Variants in GPC5 observed in about 807,000 individuals in gnomAD.
The protein encoded by GPC5 is glypican-5.
A neutral mutation model predicts 53.9 loss-of-function variants in GPC5; 47 were observed. That is an observed-to-expected ratio of 0.87 (90% CI 0.69 to 1.11). The LOEUF (loss-of-function observed/expected upper bound fraction) is 1.11. Among genes scored for constraint, GPC5 ranks in the 50% most tolerant of loss-of-function variants. The probability of loss-of-function intolerance (pLI) is 0.00; values close to 1 mark genes in which losing one functional copy is unlikely to be tolerated. For missense variants in GPC5, 748 were observed against 713.1 expected (o/e 1.05, Z -0.56); for synonymous variants, 286 against 263.3 (o/e 1.09, Z -0.84).
intron 7 of GPC5, among the ~76,000 whole-genome samples, chr13:92,184,497 G>A (rs79380646): frequency 0.023 from 3,518 of 152,130 alleles, 143 homozygotes; most frequent in African/African-American, 0.079. Flanking sequence ...CAAGCTTTTA[G>A]CTTCTGTCTT....
intron 7 of GPC5, among the ~76,000 whole-genome samples, chr13:92,280,792 C>T (rs1042455201): frequency 2.6e-5 from 4 of 152,070 alleles, no homozygotes; most frequent in African/African-American, 9.7e-5. Flanking sequence ...CTAATAGGAA[C>T]AGCTCCAGTC....
In GPC5 at chr13:92,610,968, A is replaced by ATTT. The variant is rs35225757; in HGVS notation, c.1562-255300_1562-255298dup. Reference sequence around the variant, plus strand: ...GCTAACCATATCAATCTCAATACATATTTTTTTTTTTTTTTTGCTTAATCT... The same window carrying ATTT: ...GCTAACCATATCAATCTCAATACATATTTTTTTTTTTTTTTTTTTGCTTAATCT... On this transcript the variant is annotated intron_variant, in intron 7 of 7. Coordinates refer to ENST00000377067, the MANE Select transcript of GPC5 (RefSeq NM_004466.6). Among the ~76,000 whole-genome samples, 442 of 140,108 alleles carry ATTT rather than the reference A, an allele frequency of 3.2e-3. 3 individuals carry two copies. The highest frequency in any genetic ancestry group is 8.7e-3 in the African/African-American group (328 of 37,868). The allele number at this position is 140,108 out of a possible 152,430, so 91.9% of individuals were successfully genotyped here. A position where few individuals can be genotyped will look rare whatever the true frequency, so the allele number is the denominator to read the frequency against.
intron 5 of GPC5, among the ~76,000 whole-genome samples, chr13:91,788,465 A>G (rs144560191): frequency 6.6e-6 from 1 of 152,294 alleles, no homozygotes; most frequent in East Asian, 1.9e-4. Flanking sequence ...ATTAGGAAAA[A>G]AATAAGAAAC....
intron 2 of GPC5, among the ~76,000 whole-genome samples, chr13:91,496,588 T>G (rs1350353090): frequency 6.6e-6 from 1 of 152,128 alleles, no homozygotes; most frequent in East Asian, 1.9e-4. Context: ...ACAATTGAAC[T>G]TATGGACATA....
At chr13:92,280,451 A>G (rs985032453) in intron 7 of GPC5, among the ~76,000 whole-genome samples, 3 of 152,120 alleles carry the variant, frequency 2.0e-5, no homozygotes, top group African/African-American at 7.2e-5. Context: ...TTATGTTGTC[A>G]ATATCGGATC....
intron 2 of GPC5, among the ~76,000 whole-genome samples, chr13:91,635,786 A>C (rs2034270592): frequency 6.6e-6 from 1 of 152,108 alleles, no homozygotes; most frequent in Non-Finnish European, 1.5e-5. Flanking sequence ...CTTGCAGATA[A>C]ACTTTAGAAT....
chr13:92,502,403 C>G (rs1306347975), intron 7 of GPC5, among the ~76,000 whole-genome samples: 1 of 151,694 alleles, frequency 6.6e-6, no homozygotes, highest in Non-Finnish European at 1.5e-5. Flanking sequence ...ACTGACTAAA[C>G]ACACATTTTA....
intron 7 of GPC5, among the ~76,000 whole-genome samples, chr13:92,202,341 T>C (rs2042301287): frequency 6.6e-6 from 1 of 152,136 alleles, no homozygotes; most frequent in East Asian, 1.9e-4. Context: ...TTCAAAGTGT[T>C]TGTTATTTTG....
chr13:91,583,087 T>A (rs2032429687), intron 2 of GPC5, among the ~76,000 whole-genome samples: 1 of 152,126 alleles, frequency 6.6e-6, no homozygotes, highest in Non-Finnish European at 1.5e-5. Context: ...AAGATAGCTA[T>A]AAAGGAATCC....
chr13:92,545,917 T>C (rs1254979129), intron 7 of GPC5, among the ~76,000 whole-genome samples: 1 of 152,202 alleles, frequency 6.6e-6, no homozygotes, highest in East Asian at 1.9e-4. Flanking sequence ...AGAAGCTCTT[T>C]AGTTTAATTA....
intron 1 of GPC5, among the ~76,000 whole-genome samples, chr13:91,434,861 A>C (rs1007636645): frequency 2.0e-5 from 3 of 151,930 alleles, no homozygotes; most frequent in African/African-American, 4.8e-5. Context: ...CTTTTATTTT[A>C]TTGAGCAGTG....
intron 6 of GPC5, among the ~76,000 whole-genome samples, chr13:91,943,003 T>G (rs1482260285): frequency 1.3e-5 from 2 of 152,104 alleles, no homozygotes; most frequent in Admixed American, 6.5e-5. Context: ...AATAGCTCTG[T>G]TTTTTATTTG....
At chr13:92,396,587 G>A (rs962393447) in intron 7 of GPC5, among the ~76,000 whole-genome samples, 3 of 151,958 alleles carry the variant, frequency 2.0e-5, no homozygotes, top group African/African-American at 7.3e-5. Context: ...TGTTACATAG[G>A]TAAACATGTT....
chr13:91,425,282 C>T (rs1489014087), intron 1 of GPC5, among the ~76,000 whole-genome samples: 2 of 152,176 alleles, frequency 1.3e-5, no homozygotes, highest in Non-Finnish European at 2.9e-5. Flanking sequence ...AGCATGGTTT[C>T]ACAGGTGGTC....
intron 7 of GPC5, among the ~76,000 whole-genome samples, chr13:92,823,012 A>T (rs1877725348): frequency 6.6e-6 from 1 of 152,092 alleles, no homozygotes; most frequent in Admixed American, 6.6e-5. Flanking sequence ...AGATACTACC[A>T]GGTCTCTTGG....
chr13:92,840,573 G>A (rs1305201718), intron 7 of GPC5, among the ~76,000 whole-genome samples: 2 of 151,858 alleles, frequency 1.3e-5, no homozygotes. Flanking sequence ...AAACTGTTTT[G>A]GCTACTTTGG....
At position 92,527,209 on chromosome 13, in the gene GPC5, GA is replaced by G. The variant is rs541275336; in HGVS notation, c.1562-339070del. Among the ~76,000 whole-genome samples the G allele has an allele frequency of 1.8e-3, 51 of 27,826 alleles. 3 individuals carry two copies. The highest frequency in any genetic ancestry group is 3.5e-3 in the Admixed American group (7 of 2,002). 18.3% of individuals were successfully genotyped at this position (27,826 alleles called of 152,430 possible). Reference sequence around the variant, plus strand: ...AGAAAGAAAGAAAGAAAGAAAGAAAGAAAGAAAGAAAGAAAGAAAGAAAGAA... The same window carrying G: ...AGAAAGAAAGAAAGAAAGAAAGAAAGAAGAAAGAAAGAAAGAAAGAAAGAA... On this transcript the variant is annotated intron_variant, in intron 7 of 7. Transcript: ENST00000377067.
intron 6 of GPC5, among the ~76,000 whole-genome samples, chr13:92,031,789 ATATT>A (rs2040849099): frequency 1.0e-5 from 1 of 98,406 alleles, no homozygotes; most frequent in Non-Finnish European, 1.9e-5. Context: ...AATATATTAC[ATATT>A]ATATATAATA....
intron 4 of GPC5, among the ~76,000 whole-genome samples, chr13:91,740,758 C>T (rs777974215): frequency 1.9e-4 from 29 of 152,108 alleles, no homozygotes; most frequent in Middle Eastern, 3.2e-3. Flanking sequence ...AAGGACATTG[C>T]GCTCATATAG....
Sources: gnomAD v4.1 joint callset for allele counts (sites outside exome capture counted in the v4.1 genomes callset) on GRCh38, gnomAD v4.1.1 for gene constraint, MANE v1.5 for transcripts, NCBI Gene and HGNC (gene_info 2026-07-23, HGNC 2026-07-21) for gene names.